FANCM: variants seen among roughly 807,000 people sequenced by gnomAD.
FANCM encodes Fanconi anemia group M protein.
A neutral mutation model predicts 199.5 loss-of-function variants in FANCM; 140 were observed. The ratio of observed to expected loss-of-function variants is 0.70; its 90% confidence interval spans 0.61 to 0.81. FANCM has a LOEUF of 0.81. Ranked by LOEUF, FANCM falls within the 30% of genes least tolerant of loss-of-function variation. The pLI is 0.00. For synonymous variants in FANCM, 840 were observed against 836.8 expected, an observed-to-expected ratio of 1.00 and a Z score of -0.07; for missense variants, 2,410 against 2,421.4, an observed-to-expected ratio of 1.00 and a Z score of 0.10.
At chr14:45,147,080 A>C (rs1371838819) in intron 3 of FANCM, among the ~76,000 whole-genome samples, 2 of 152,058 alleles carry the variant, frequency 1.3e-5, no homozygotes, top group Non-Finnish European at 2.9e-5. Flanking sequence ...GGAGTTACTC[A>C]TGTATTTCTT....
intron 12 of FANCM, 34 bp downstream of exon 12, chr14:45,170,780 C>A (rs549175133): frequency 5.7e-6 from 9 of 1,579,084 alleles, no homozygotes; most frequent in Non-Finnish European, 7.8e-6. Flanking sequence ...GTTCTTTTCC[C>A]CCCCCTCATT....
At chr14:45,189,538 A>G (rs975995346) in intron 20 of FANCM, among the ~76,000 whole-genome samples, 176 bp downstream of exon 20, 12 of 152,214 alleles carry the variant, frequency 7.9e-5, no homozygotes, top group Non-Finnish European at 1.5e-4. Context: ...GGCAATTCAC[A>G]GGGTGCTTAG....
chr14:45,143,724 C>T (rs546744283), intron 3 of FANCM, among the ~76,000 whole-genome samples: 35 of 136,184 alleles, frequency 2.6e-4, no homozygotes, highest in Middle Eastern at 4.7e-3. Context: ...GACAGAGTCT[C>T]GCTTTGTCAC....
chr14:45,187,905 A>G lies in FANCM; in HGVS notation c.4779+18A>G, dbSNP rs1434054026. On this transcript the variant is annotated intron_variant, in intron 19 of 22. Transcript: ENST00000267430. ...TCTCGCAGGTATGAACTATAGAAAT[A>G]TAATGGAGAATTTCTGGATGATGAT... 1 of 1,146,144 alleles carries G rather than the reference A, an allele frequency of 8.7e-7. No individual in the cohort carries two copies. The highest frequency in any genetic ancestry group is 2.4e-5 in the East Asian group (1 of 42,306). 71.0% of individuals were successfully genotyped at this position (1,146,144 alleles called of 1,614,324 possible).
chr14:45,141,346 A>G (rs1336779466), intron 3 of FANCM, among the ~76,000 whole-genome samples: 1 of 151,758 alleles, frequency 6.6e-6, no homozygotes, highest in African/African-American at 2.4e-5. Flanking sequence ...AATAATCCAA[A>G]TAATAAGAAC....
intron 13 of FANCM, 137 bp downstream of exon 13, chr14:45,173,347 G>C (rs1159234178): frequency 1.4e-5 from 11 of 761,054 alleles, no homozygotes; most frequent in Non-Finnish European, 2.3e-5. Flanking sequence ...TAAAGAATGA[G>C]TTTTCTGCCT....
In FANCM at chr14:45,173,179, T is replaced by C. The variant is rs1359486439; in HGVS notation, c.2285T>C (p.Met762Thr). The change falls in exon 13 of 23, where the codon ATG (methionine) becomes ACG (threonine). Residue 762 changes from methionine (M) to threonine (T), a missense_variant. Physicochemically the swap from Met to Thr is moderately conservative, Grantham distance 81. Transcript: ENST00000267430. ...CGATGCCGCCATTTTATAGGCCTTA[T>C]GCAAATGATAGAGGGAATGAGACAC... ...SDRCRHFIGL[M>T]QMIEGMRHEE... 1 of 1,613,940 alleles carries C rather than the reference T, an allele frequency of 6.2e-7. No homozygotes were observed. Among genetic ancestry groups the C allele is most frequent in the Non-Finnish European group, 8.5e-7 (1 of 1,179,856 alleles).
intron 18 of FANCM, among the ~76,000 whole-genome samples, chr14:45,187,242 A>AT (rs1329825034): frequency 1.3e-5 from 2 of 149,790 alleles, no homozygotes; most frequent in Non-Finnish European, 3.0e-5. Flanking sequence ...CGAAATTCAC[A>AT]TTATCTTTTG....
At chr14:45,191,711 A>G (rs549575694) in intron 20 of FANCM, among the ~76,000 whole-genome samples, 5 of 152,336 alleles carry the variant, frequency 3.3e-5, no homozygotes, top group East Asian at 1.9e-4. Flanking sequence ...ATTACTTGAA[A>G]TTAGGAGGAG....
chr14:45,186,254 GA>G (rs1889395279), intron 18 of FANCM, among the ~76,000 whole-genome samples: 1 of 152,178 alleles, frequency 6.6e-6, no homozygotes, highest in Non-Finnish European at 1.5e-5. Flanking sequence ...GACATCATCA[GA>G]GACTAGAAGA....
At chr14:45,196,838 A>T (rs1890087368) in intron 21 of FANCM, among the ~76,000 whole-genome samples, 1 of 152,146 alleles carries the variant, frequency 6.6e-6, no homozygotes, top group South Asian at 2.1e-4. Context: ...TGGGGAGGAG[A>T]AGTAGTATTC....
At position 45,176,968 on chromosome 14, in the gene FANCM, C is replaced by T. The variant is rs1458854319; in HGVS notation, c.4214C>T (p.Ser1405Phe). 6.4e-7 allele frequency: 1 copy of T among 1,570,534 alleles called. No individual in the cohort carries two copies. Among genetic ancestry groups the T allele is most frequent in the Non-Finnish European group, 8.8e-7 (1 of 1,141,500 alleles). Residue 1405 changes from serine (S) to phenylalanine (F), a missense_variant, in exon 14 of 23, where the codon TCT (serine) becomes TTT (phenylalanine). Transcript: ENST00000267430. ...GPMYLHKSCH[S>F]VEDGQLLTSN... The stretch of plus-strand genomic sequence containing the variant: ...ATGTATCTGCATAAATCCTGTCATT[C>T]TGTTGAAGGTAAGATTCCATCTTTA...
chr14:45,149,663 C>T (rs1014677515), intron 4 of FANCM, among the ~76,000 whole-genome samples: 1 of 152,142 alleles, frequency 6.6e-6, no homozygotes, highest in Non-Finnish European at 1.5e-5. Context: ...CCACCATGCG[C>T]CCGGCCCCCA....
chr14:45,175,953 T>A lies in FANCM; in HGVS notation c.3199T>A (p.Tyr1067Asn). ...INYPSEKSCL[Y>N]DIPNDNISDE... is the part of the protein sequence containing the mutation. ...TTATCCATCTGAAAAAAGTTGCCTTTATGATATACCTAATGATAATATTTC... is the reference window on the plus strand; with the variant it reads ...TTATCCATCTGAAAAAAGTTGCCTTAATGATATACCTAATGATAATATTTC... Residue 1067 changes from tyrosine (Y) to asparagine (N), a missense_variant, in exon 14 of 23, where the codon TAT (tyrosine) becomes AAT (asparagine). By Grantham distance (143) the Tyr-to-Asn change is moderately radical. Coordinates refer to ENST00000267430, the MANE Select transcript of FANCM (RefSeq NM_020937.4). The A allele has an allele frequency of 1.2e-6, 2 of 1,613,640 alleles. No homozygotes were observed. Among genetic ancestry groups the A allele is most frequent in the Non-Finnish European group, 1.7e-6 (2 of 1,179,686 alleles).
At position 45,198,786 on chromosome 14, in the gene FANCM, A is replaced by G. The variant is rs1162450469; in HGVS notation, c.5859A>G (p.Gln1953=). 3 of 1,614,078 alleles carry G rather than the reference A, an allele frequency of 1.9e-6. No homozygotes were observed. The highest frequency in any genetic ancestry group is 4.5e-5 in the East Asian group (2 of 44,852). ...DLLKELSLVE[Q]RKNVGIHVPT... ...TAAAGGAACTGTCTTTAGTGGAACA[A>G]AGAAAGAATGTTGGTATTCATGTTC... is the stretch of plus-strand genomic sequence containing the variant. The change falls in exon 22 of 23, where the codon CAA becomes CAG. Residue 1953 remains glutamine (Q), a synonymous_variant. Coordinates refer to ENST00000267430, the MANE Select transcript of FANCM (RefSeq NM_020937.4).
chr14:45,177,369 G>A (rs1157360598), intron 14 of FANCM, among the ~76,000 whole-genome samples: 2 of 151,932 alleles, frequency 1.3e-5, no homozygotes, highest in African/African-American at 4.8e-5. Context: ...AAATTTTGAG[G>A]TTGATTAGAT....
chr14:45,189,280 A>G lies in FANCM; in HGVS notation c.5258A>G (p.His1753Arg), dbSNP rs371891604. 3.1e-6 allele frequency: 5 copies of G among 1,613,772 alleles called. No homozygotes were observed. The African/African-American group carries it at 5.3e-5, about 17-fold the overall frequency. Reference protein sequence around the residue: ...SEVSDFKPQNHNEVQSTTPPF... With the variant: ...SEVSDFKPQNRNEVQSTTPPF... ...GTCTCAGACTTCAAACCTCAGAATCATAATGAAGTCCAGTCTACCACACCA... is the reference window on the plus strand; with the variant it reads ...GTCTCAGACTTCAAACCTCAGAATCGTAATGAAGTCCAGTCTACCACACCA... Residue 1753 changes from histidine to arginine, a missense_variant, in exon 20 of 23, where the codon CAT (histidine) becomes CGT (arginine). By Grantham distance (29) the His-to-Arg change is conservative. Coordinates refer to ENST00000267430, the MANE Select transcript of FANCM (RefSeq NM_020937.4).
intron 12 of FANCM, among the ~76,000 whole-genome samples, chr14:45,171,307 T>C (rs1332353522): frequency 6.6e-6 from 1 of 152,106 alleles, no homozygotes; most frequent in African/African-American, 2.4e-5. Flanking sequence ...TATGCTTTCA[T>C]AAGCATCCTT....
chr14:45,172,488 A>G (rs1888404240), intron 12 of FANCM, among the ~76,000 whole-genome samples: 1 of 152,156 alleles, frequency 6.6e-6, no homozygotes, highest in African/African-American at 2.4e-5. Flanking sequence ...TTATCCCAGT[A>G]TCATTTGGTT....
Sources: gnomAD v4.1 joint callset for allele counts (sites outside exome capture counted in the v4.1 genomes callset) on GRCh38, gnomAD v4.1.1 for gene constraint, MANE v1.5 for transcripts, NCBI Gene and HGNC (gene_info 2026-07-23, HGNC 2026-07-21) for gene names.